The following CDKAL1 variants were observed in gnomAD, a reference collection of about 807,000 sequenced individuals.
The protein encoded by CDKAL1 is threonylcarbamoyladenosine tRNA methylthiotransferase.
In CDKAL1, 32 loss-of-function variants were observed where a neutral mutation model predicts 68.2. The ratio of observed to expected loss-of-function variants is 0.47; its 90% confidence interval spans 0.35 to 0.63. The LOEUF (loss-of-function observed/expected upper bound fraction) is 0.63. Ranked by LOEUF, CDKAL1 falls within the 30% of genes least tolerant of loss-of-function variation. The probability of loss-of-function intolerance (pLI) is 0.00; values close to 1 mark genes in which losing one functional copy is unlikely to be tolerated. For missense variants in CDKAL1, 606 were observed against 696.7 expected (o/e 0.87, Z 1.47); for synonymous variants, 234 against 244.3 (o/e 0.96, Z 0.39).
Position 21,201,288 on chromosome 6 carries a change from G to A in CDKAL1, c.1548+14G>A, listed in dbSNP as rs541225879. The A allele has an allele frequency of 6.3e-7, 1 of 1,598,660 alleles. No individual in the cohort carries two copies. Among genetic ancestry groups the A allele is most frequent in the Admixed American group, 1.7e-5 (1 of 59,800 alleles). ...GGTTTGACAAAGGTAAGTAAAAGATGCTCTCCTCTCTACCCTGCTAGTAAA... is the reference window on the plus strand; with the variant it reads ...GGTTTGACAAAGGTAAGTAAAAGATACTCTCCTCTCTACCCTGCTAGTAAA... On this transcript the variant is annotated intron_variant, in intron 15 of 15. Transcript: ENST00000274695.
chr6:21,224,877 C>T (rs1779678495), intron 15 of CDKAL1, among the ~76,000 whole-genome samples: 2 of 152,138 alleles, frequency 1.3e-5, no homozygotes, highest in African/African-American at 4.8e-5. Flanking sequence ...ATGTATGACT[C>T]CTTGTCCCAT....
chr6:20,813,126 C>T (rs1776892373), intron 8 of CDKAL1, among the ~76,000 whole-genome samples: 1 of 152,094 alleles, frequency 6.6e-6, no homozygotes, highest in South Asian at 2.1e-4. Context: ...CTGTCTCTGT[C>T]TCTCTCAAGA....
At chr6:20,949,119 A>G (rs1435249564) in intron 9 of CDKAL1, among the ~76,000 whole-genome samples, 1 of 152,220 alleles carries the variant, frequency 6.6e-6, no homozygotes, top group East Asian at 1.9e-4. Context: ...GCAATAAAAA[A>G]TAGTGTTAAA....
intron 5 of CDKAL1, chr6:20,722,384 TG>T (rs1338311535): frequency 4.5e-6 from 1 of 220,462 alleles, no homozygotes; most frequent in African/African-American, 2.3e-5. Context: ...TCAAAATGCT[TG>T]CTTCTCTTAA....
chr6:20,973,999 G>A (rs893627721), intron 10 of CDKAL1, among the ~76,000 whole-genome samples: 7 of 152,286 alleles, frequency 4.6e-5, no homozygotes, highest in Admixed American at 2.0e-4. Flanking sequence ...TATAGAAAAC[G>A]CTTACATTAG....
intron 5 of CDKAL1, among the ~76,000 whole-genome samples, chr6:20,725,879 T>A (rs549318238): frequency 3.9e-4 from 59 of 151,580 alleles, no homozygotes; most frequent in Non-Finnish European, 6.6e-4. Context: ...GGATCTAGGG[T>A]GTCACACCCT....
In CDKAL1 at chr6:20,860,105, T is replaced by A. The variant is rs78563792; in HGVS notation, c.742+13927T>A. 9.9e-5 allele frequency among the ~76,000 whole-genome samples: 15 copies of A among 152,232 alleles called. No homozygotes were observed. In the East Asian group the frequency reaches 2.3e-3, roughly 24 times the overall value. Reference sequence around the variant, plus strand: ...TTTTTTCTTTTCTTTTGAGATGGAGTCTCGCTTTGTTGCCCAGGCTGGAGT... The same window carrying A: ...TTTTTTCTTTTCTTTTGAGATGGAGACTCGCTTTGTTGCCCAGGCTGGAGT... On this transcript the variant is annotated intron_variant, in intron 9 of 15. Coordinates refer to ENST00000274695, the MANE Select transcript of CDKAL1 (RefSeq NM_017774.3).
At chr6:21,211,599 G>A (rs1409362675) in intron 15 of CDKAL1, among the ~76,000 whole-genome samples, 1 of 152,202 alleles carries the variant, frequency 6.6e-6, no homozygotes, top group African/African-American at 2.4e-5. Context: ...CTCAGCACAG[G>A]AGTGGCACAT....
At chr6:21,159,066 C>T (rs1202545472) in intron 13 of CDKAL1, among the ~76,000 whole-genome samples, 2 of 149,186 alleles carry the variant, frequency 1.3e-5, no homozygotes, top group Non-Finnish European at 3.0e-5. Context: ...TAATGCCTTC[C>T]TCTGGGGCTT....
At chr6:21,184,949 A>C (rs112644414) in intron 13 of CDKAL1, among the ~76,000 whole-genome samples, 2,376 of 150,650 alleles carry the variant, frequency 0.016, 65 homozygotes, top group African/African-American at 0.054. Flanking sequence ...TTACAGGGTG[A>C]GCCACAGTAC....
intron 13 of CDKAL1, among the ~76,000 whole-genome samples, chr6:21,143,139 C>T (rs918681897): frequency 3.3e-5 from 5 of 152,192 alleles, no homozygotes; most frequent in African/African-American, 1.2e-4. Context: ...ATCCTTCTCT[C>T]TGAATTTGTA....
intron 7 of CDKAL1, among the ~76,000 whole-genome samples, chr6:20,778,344 TA>T (rs1338485652): frequency 2.0e-5 from 3 of 152,212 alleles, no homozygotes; most frequent in African/African-American, 7.2e-5. Context: ...AGTGAAAATA[TA>T]AGCCACAGAC....
intron 4 of CDKAL1, among the ~76,000 whole-genome samples, chr6:20,561,776 A>G (rs1291425203): frequency 6.6e-6 from 1 of 152,164 alleles, no homozygotes; most frequent in African/African-American, 2.4e-5. Context: ...TATAGAAGTA[A>G]TTTTATTCTT....
chr6:20,723,615 G>A lies in CDKAL1; in HGVS notation c.372-15904G>A, dbSNP rs112456303. ...TTTGTAGGGTTGGTGCTTGCCACAC[G>A]CGTTACAGAAAGTTTGATGGTTTTT... On this transcript the variant is annotated intron_variant, in intron 5 of 15. Transcript: ENST00000274695. 1,072 of 198,442 alleles carry A rather than the reference G, an allele frequency of 5.4e-3. 15 individuals carry two copies. The highest frequency in any genetic ancestry group is 0.023 in the African/African-American group (992 of 42,874). 12.3% of individuals were successfully genotyped at this position (198,442 alleles called of 1,614,324 possible). A position where few individuals can be genotyped will look rare whatever the true frequency, so the allele number is the denominator to read the frequency against.
intron 4 of CDKAL1, among the ~76,000 whole-genome samples, chr6:20,640,976 T>TA (rs1768146300): frequency 6.6e-6 from 1 of 152,224 alleles, no homozygotes; most frequent in African/African-American, 2.4e-5. Context: ...TCGTTATTAC[T>TA]AATCAGATTT....
intron 5 of CDKAL1, among the ~76,000 whole-genome samples, chr6:20,702,280 C>T (rs563779111): frequency 2.6e-5 from 4 of 152,320 alleles, no homozygotes; most frequent in African/African-American, 9.6e-5. Context: ...TGGATGCTTA[C>T]AGCTCCTGAA....
chr6:20,926,020 C>T (rs993877952), intron 9 of CDKAL1, among the ~76,000 whole-genome samples: 5 of 151,964 alleles, frequency 3.3e-5, no homozygotes, highest in African/African-American at 1.2e-4. Flanking sequence ...TGTTAATAAC[C>T]TGAGGATGGT....
At chr6:20,810,033 G>A (rs1466789783) in intron 8 of CDKAL1, among the ~76,000 whole-genome samples, 1 of 152,094 alleles carries the variant, frequency 6.6e-6, no homozygotes, top group Non-Finnish European at 1.5e-5. Flanking sequence ...CTTTTAGATG[G>A]ACAGCCCCGC....
In CDKAL1 at chr6:20,917,653, C is replaced by T. The variant is rs1006255504; in HGVS notation, c.743-37766C>T. On this transcript the variant is annotated intron_variant, in intron 9 of 15. Coordinates refer to ENST00000274695, the MANE Select transcript of CDKAL1 (RefSeq NM_017774.3). ...GTAAATTTTTTTCCCTCACTCCCATCCCACCCTTTCCCCTGAGTCCCCAAA... is the reference window on the plus strand; with the variant it reads ...GTAAATTTTTTTCCCTCACTCCCATTCCACCCTTTCCCCTGAGTCCCCAAA... Among the ~76,000 whole-genome samples the T allele has an allele frequency of 3.3e-5, 5 of 152,112 alleles. No homozygotes were observed. The East Asian group carries it at 9.6e-4, about 29-fold the overall frequency.
Sources: gnomAD v4.1 joint callset for allele counts (sites outside exome capture counted in the v4.1 genomes callset) on GRCh38, gnomAD v4.1.1 for gene constraint, MANE v1.5 for transcripts, NCBI Gene and HGNC (gene_info 2026-07-23, HGNC 2026-07-21) for gene names.